The following PCDHGB7 variants were observed in gnomAD, a reference collection of about 807,000 sequenced individuals.
PCDHGB7 encodes protocadherin gamma-B7.
Under a neutral mutation model 61.4 loss-of-function variants are expected in PCDHGB7, and 37 were observed. The ratio of observed to expected loss-of-function variants is 0.60; its 90% CI spans 0.46 to 0.79. PCDHGB7 has a LOEUF of 0.79. Ranked by LOEUF, PCDHGB7 falls within the 30% of genes least tolerant of loss-of-function variation. The pLI is 0.00. For synonymous variants in PCDHGB7, 464 were observed against 503.5 expected, an observed-to-expected ratio of 0.92 and a Z score of 1.05; for missense variants, 1,166 against 1,202.5, an observed-to-expected ratio of 0.97 and a Z score of 0.45.
chr5:141,495,103 C>T (rs1383918796), intron 2 of PCDHGB7, among the ~76,000 whole-genome samples: 2 of 152,132 alleles, frequency 1.3e-5, no homozygotes, highest in Non-Finnish European at 2.9e-5. Context: ...TCGCCACGAC[C>T]GGCACCTTTT....
rs765586654 is a variant in PCDHGB7 at position 141,421,994 on chromosome 5, T to C, written c.2415+1720T>C. 8 of 1,608,922 alleles carry C rather than the reference T, an allele frequency of 5.0e-6. No homozygotes were observed. In the African/African-American group the frequency reaches 5.4e-5, roughly 11 times the overall value. On this transcript the variant is annotated intron_variant, in intron 1 of 3. Coordinates refer to ENST00000398594, the MANE Select transcript of PCDHGB7 (RefSeq NM_018927.4). ...TATCGCGTGAGTGTTCCAGAAAACA[T>C]CAGCTCCGGAACTCGGGTGCTGATG...
rs980944782 is a variant in PCDHGB7 at position 141,487,625 on chromosome 5, T to C, written c.2416-7182T>C. On this transcript the variant is annotated intron_variant, in intron 1 of 3. Coordinates refer to ENST00000398594, the MANE Select transcript of PCDHGB7 (RefSeq NM_018927.4). This position sits in a 1 kb window ranked among gnomAD's most constrained non-coding sequence, Gnocchi z 5.0. ...TCTCTATGGGCTAGAGGTGAGACCT[T>C]TGCAGGCTCAACAAATGCTTGAGGG... 4 of 1,614,090 alleles carry C rather than the reference T, an allele frequency of 2.5e-6. No homozygotes were observed. Among genetic ancestry groups the C allele is most frequent in the Admixed American group, 3.3e-5 (2 of 60,004 alleles).
rs765376157 is a variant in PCDHGB7 at position 141,486,033 on chromosome 5, A to G, written c.2416-8774A>G. 4.3e-6 allele frequency: 7 copies of G among 1,614,148 alleles called. No individual in the cohort carries two copies. The highest frequency in any genetic ancestry group is 5.9e-6 in the Non-Finnish European group (7 of 1,180,014). ...TTTTATTTCAGTGGTCATACCCCTG[A>G]TCGTGTAAGAAACCTCTTTAGCCTG... On this transcript the variant is annotated intron_variant, in intron 1 of 3. Transcript: ENST00000398594. This position sits in a 1 kb window ranked among gnomAD's most constrained non-coding sequence, Gnocchi z 5.0.
chr5:141,478,118 G>A (rs1266841885), intron 1 of PCDHGB7: 1 of 1,613,930 alleles, frequency 6.2e-7, no homozygotes, highest in East Asian at 2.2e-5. Context: ...GTCAGTAACC[G>A]AGGACTCTCC....
In PCDHGB7 at chr5:141,432,997, G is replaced by T. The variant is rs778828769; in HGVS notation, c.2415+12723G>T. 17 of 1,614,082 alleles carry T rather than the reference G, an allele frequency of 1.1e-5. No homozygotes were observed. The highest frequency in any genetic ancestry group is 4.5e-5 in the East Asian group (2 of 44,864). ...CGCACTTTGTGGGCGTGGACGGGGT[G>T]CAGGCTTTCCTGCAGACCTATTCCC... On this transcript the variant is annotated intron_variant, in intron 1 of 3. Transcript: ENST00000398594. The surrounding 1 kb of genome is among the most constrained non-coding windows in gnomAD (Gnocchi z 6.0).
rs2099746025 is a variant in PCDHGB7 at position 141,493,066 on chromosome 5, T to C, written c.2416-1741T>C. On this transcript the variant is annotated intron_variant, in intron 1 of 3. Coordinates refer to ENST00000398594, the MANE Select transcript of PCDHGB7 (RefSeq NM_018927.4). This position sits in a 1 kb window ranked among gnomAD's most constrained non-coding sequence, Gnocchi z 4.3. ...AACTACAATAGTAAAAAACACAAGT[T>C]TCTCCAACTCCAGGAGCTTTTATTC... Among the ~76,000 whole-genome samples the C allele has an allele frequency of 6.6e-6, 1 of 152,202 alleles. No homozygotes were observed. Among genetic ancestry groups the C allele is most frequent in the East Asian group, 1.9e-4 (1 of 5,194 alleles).
At chr5:141,500,914 G>T (rs1237339394) in intron 2 of PCDHGB7, among the ~76,000 whole-genome samples, 2 of 151,130 alleles carry the variant, frequency 1.3e-5, no homozygotes, top group Non-Finnish European at 2.9e-5. Flanking sequence ...CTGTCTCCAG[G>T]CTGGGGTGCA....
rs531285035 is a variant in PCDHGB7, at chr5:141,493,409, C to T, written c.2416-1398C>T. Among the ~76,000 whole-genome samples, 4 of 152,286 alleles carry T rather than the reference C, an allele frequency of 2.6e-5. No homozygotes were observed. The East Asian group carries it at 7.7e-4, about 29-fold the overall frequency. On this transcript the variant is annotated intron_variant, in intron 1 of 3. Coordinates refer to ENST00000398594, the MANE Select transcript of PCDHGB7 (RefSeq NM_018927.4). The surrounding 1 kb of genome is among the most constrained non-coding windows in gnomAD (Gnocchi z 4.3). Reference sequence around the variant, plus strand: ...GGACAGGAGAGGGGAGTTGCCTCTGCTGGGATTTTGCTTCTGCTGGGATGG... The same window carrying T: ...GGACAGGAGAGGGGAGTTGCCTCTGTTGGGATTTTGCTTCTGCTGGGATGG...
chr5:141,430,399 T>G (rs2097282187), intron 1 of PCDHGB7, among the ~76,000 whole-genome samples: 1 of 150,106 alleles, frequency 6.7e-6, no homozygotes, highest in Admixed American at 6.6e-5. Flanking sequence ...AAAAAAAAGC[T>G]CACTAAAGTT....
intron 1 of PCDHGB7, among the ~76,000 whole-genome samples, chr5:141,448,796 T>G (rs1268643310): frequency 1.0e-4 from 15 of 150,106 alleles, no homozygotes; most frequent in Admixed American, 4.0e-4. Context: ...AAAAAAAAAA[T>G]TAGCCAGGCG....
At chr5:141,452,781 A>G (rs575869415) in intron 1 of PCDHGB7, among the ~76,000 whole-genome samples, 10 of 152,302 alleles carry the variant, frequency 6.6e-5, no homozygotes, top group African/African-American at 2.4e-4. Flanking sequence ...CTGAGAAAGT[A>G]ACATACCATC....
chr5:141,493,141 C>T lies in PCDHGB7; in HGVS notation c.2416-1666C>T, dbSNP rs1327581425. On this transcript the variant is annotated intron_variant, in intron 1 of 3. Coordinates refer to ENST00000398594, the MANE Select transcript of PCDHGB7 (RefSeq NM_018927.4). This position sits in a 1 kb window ranked among gnomAD's most constrained non-coding sequence, Gnocchi z 4.3. ...CTCCTAGGACTGTATTTTGAAACAC[C>T]CCCAGGTGATTTTGATAGCTGATTG... Among the ~76,000 whole-genome samples the T allele has an allele frequency of 1.4e-5, 2 of 146,284 alleles. No homozygotes were observed. Among genetic ancestry groups the T allele is most frequent in the East Asian group, 2.0e-4 (1 of 5,022 alleles).
At chr5:141,478,567 C>A in intron 1 of PCDHGB7, 1 of 1,593,812 alleles carries the variant, frequency 6.3e-7, no homozygotes, top group Non-Finnish European at 8.6e-7. Flanking sequence ...GCAAGTCATG[C>A]TTGACCCTGT....
At position 141,490,208 on chromosome 5, in the gene PCDHGB7, G is replaced by A. The variant is rs745796427; in HGVS notation, c.2416-4599G>A. On this transcript the variant is annotated intron_variant, in intron 1 of 3. Coordinates refer to ENST00000398594, the MANE Select transcript of PCDHGB7 (RefSeq NM_018927.4). The surrounding 1 kb of genome is among the most constrained non-coding windows in gnomAD (Gnocchi z 5.4). ...TTCTATGAAATTCATGCAAGAGCCC[G>A]TGACCAGGGACAGCCTGCCATGGAG... 44 of 1,614,120 alleles carry A rather than the reference G, an allele frequency of 2.7e-5. No individual in the cohort carries two copies. The Admixed American group carries it at 4.5e-4, about 17-fold the overall frequency.
chr5:141,433,767 G>T (rs1237334342), intron 1 of PCDHGB7, among the ~76,000 whole-genome samples: 1 of 151,532 alleles, frequency 6.6e-6, no homozygotes, highest in Non-Finnish European at 1.5e-5. Flanking sequence ...AACCTGGGAG[G>T]TGGAGGTTGC....
rs772807357 is a variant in PCDHGB7, at chr5:141,431,758, C to G, written c.2415+11484C>G. On this transcript the variant is annotated intron_variant, in intron 1 of 3. Transcript: ENST00000398594. This position sits in a 1 kb window ranked among gnomAD's most constrained non-coding sequence, Gnocchi z 4.8. ...CAGGATATTCTGCGCGAGCCAAAGTCCTGATCACTGTTCTGGACGTGAACG... is the reference window on the plus strand; with the variant it reads ...CAGGATATTCTGCGCGAGCCAAAGTGCTGATCACTGTTCTGGACGTGAACG... 2.0e-5 allele frequency: 32 copies of G among 1,614,054 alleles called. No individual in the cohort carries two copies. The highest frequency in any genetic ancestry group is 2.6e-5 in the Non-Finnish European group (31 of 1,180,028).
Position 141,418,477 on chromosome 5 carries a change from C to G in PCDHGB7, c.618C>G (p.Ser206Arg), listed in dbSNP as rs2154547707. Residue 206 changes from serine to arginine, a missense_variant, in exon 1 of 4, where the codon AGC becomes AGG. Physicochemically the swap from Ser to Arg is moderately radical, Grantham distance 110 (BLOSUM62 -1). Coordinates refer to ENST00000398594, the MANE Select transcript of PCDHGB7 (RefSeq NM_018927.4). Reference protein sequence around the residue: ...LQKTLDRETQSAHHLVLTALD... With the variant: ...LQKTLDRETQRAHHLVLTALD... Reference sequence around the variant, plus strand: ...AGACTCTGGACCGAGAAACGCAGAGCGCTCACCACTTGGTACTGACCGCCT... The same window carrying G: ...AGACTCTGGACCGAGAAACGCAGAGGGCTCACCACTTGGTACTGACCGCCT... 1 of 1,614,016 alleles carries G rather than the reference C, an allele frequency of 6.2e-7. No homozygotes were observed. The highest frequency in any genetic ancestry group is 8.5e-7 in the Non-Finnish European group (1 of 1,179,904).
Position 141,432,691 on chromosome 5 carries a change from G to A in PCDHGB7, c.2415+12417G>A, listed in dbSNP as rs1308174141. Reference sequence around the variant, plus strand: ...ACGCGCTCAAGCAGAGCCTCGTAGTGGCCGTCCAGGACCACGGCCAGCCCC... The same window carrying A: ...ACGCGCTCAAGCAGAGCCTCGTAGTAGCCGTCCAGGACCACGGCCAGCCCC... On this transcript the variant is annotated intron_variant, in intron 1 of 3. Transcript: ENST00000398594. The surrounding 1 kb of genome is among the most constrained non-coding windows in gnomAD (Gnocchi z 6.0). 1 of 1,613,942 alleles carries A rather than the reference G, an allele frequency of 6.2e-7. No individual in the cohort carries two copies. Among genetic ancestry groups the A allele is most frequent in the South Asian group, 1.1e-5 (1 of 91,068 alleles).
In PCDHGB7 at chr5:141,419,140, G is replaced by A. The variant is rs1359933027; in HGVS notation, c.1281G>A (p.Arg427=). ...ACGTCACCATCGCAGCCACAGACAGGGGCAAGCCTCCGTTATCCTCCAGCA... is the reference window on the plus strand; with the variant it reads ...ACGTCACCATCGCAGCCACAGACAGAGGCAAGCCTCCGTTATCCTCCAGCA... The part of the protein sequence containing the change: ...EYNVTIAATD[R]GKPPLSSSKT... The change falls in exon 1 of 4, where the codon AGG becomes AGA. Residue 427 remains arginine, a synonymous_variant. Coordinates refer to ENST00000398594, the MANE Select transcript of PCDHGB7 (RefSeq NM_018927.4). The A allele has an allele frequency of 1.2e-6, 2 of 1,613,750 alleles. No homozygotes were observed. The highest frequency in any genetic ancestry group is 2.2e-5 in the East Asian group (1 of 44,894).
Sources: gnomAD v4.1 joint callset for allele counts (sites outside exome capture counted in the v4.1 genomes callset) on GRCh38, gnomAD v4.1.1 for gene constraint, Gnocchi (gnomAD v3.1) non-coding constraint, MANE v1.5 for transcripts, NCBI Gene and HGNC (gene_info 2026-07-23, HGNC 2026-07-21) for gene names.